Variants in EML1 observed in about 807,000 individuals in gnomAD.
EML1 encodes the protein EMAP like 1, also known as echinoderm microtubule-associated protein-like 1.
EML1 carries 27 observed loss-of-function variants against 110.4 expected under a neutral mutation model. The observed-to-expected ratio is 0.24, with a 90% CI of 0.18 to 0.34. The LOEUF is 0.34. EML1 is among the 10% of genes least tolerant of loss of function. EML1 has a pLI of 1.00. For synonymous variants in EML1, 344 were observed against 385.8 expected, an observed-to-expected ratio of 0.89 and a Z score of 1.27; for missense variants, 741 against 1,030.9, an observed-to-expected ratio of 0.72 and a Z score of 3.85.
intron 1 of EML1, among the ~76,000 whole-genome samples, chr14:99,807,750 C>T (rs1176627344): frequency 1.3e-5 from 2 of 152,172 alleles, no homozygotes; most frequent in African/African-American, 2.4e-5. Context: ...ACGGGGTCTG[C>T]AGGGCAGGCT....
At chr14:99,804,965 G>C (rs2057944983) in intron 1 of EML1, among the ~76,000 whole-genome samples, 1 of 152,154 alleles carries the variant, frequency 6.6e-6, no homozygotes, top group African/African-American at 2.4e-5. Context: ...ACTTCTGGTA[G>C]CTTCTGAAGG....
At chr14:99,914,806 T>C in intron 15 of EML1, 109 bp downstream of exon 15, 1 of 1,402,144 alleles carries the variant, frequency 7.1e-7, no homozygotes, top group South Asian at 1.4e-5. Flanking sequence ...CCAAAGCAAA[T>C]GTTATTTATC....
At position 99,910,873 on chromosome 14, in the gene EML1, C is replaced by T. The variant is rs552943924; in HGVS notation, c.1339+532C>T. Among the ~76,000 whole-genome samples, 18 of 152,182 alleles carry T rather than the reference C, an allele frequency of 1.2e-4. No individual in the cohort carries two copies. In the South Asian group the frequency reaches 2.9e-3, roughly 25 times the overall value. On this transcript the variant is annotated intron_variant, in intron 12 of 21. Transcript: ENST00000262233. ...AGTGAGCATTTATGAGCACTTACCCCGTGACAAGAAAAAAGGGAAAATCCA... is the reference window on the plus strand; with the variant it reads ...AGTGAGCATTTATGAGCACTTACCCTGTGACAAGAAAAAAGGGAAAATCCA...
At position 99,939,523 on chromosome 14, in the gene EML1, C is replaced by T. The variant is rs751206510; in HGVS notation, c.2322+196C>T. ...CCAAGCCCCACAGGACCCACAAAGC[C>T]GTTCAGAGCTGCTCATCCACCTCTG... On this transcript the variant is annotated intron_variant, in intron 21 of 21. Coordinates refer to ENST00000262233, the MANE Select transcript of EML1 (RefSeq NM_004434.3). This position sits in a 1 kb window ranked among gnomAD's most constrained non-coding sequence, Gnocchi z 4.2. 2.6e-5 allele frequency among the ~76,000 whole-genome samples: 4 copies of T among 152,134 alleles called. No homozygotes were observed. Among genetic ancestry groups the T allele is most frequent in the Admixed American group, 6.5e-5 (1 of 15,284 alleles).
chr14:99,851,238 A>G (rs530858407), intron 2 of EML1, among the ~76,000 whole-genome samples: 5 of 152,280 alleles, frequency 3.3e-5, no homozygotes, highest in Non-Finnish European at 7.4e-5. Flanking sequence ...CAGCCCAGTG[A>G]TGTACATTTG....
intron 1 of EML1, among the ~76,000 whole-genome samples, chr14:99,818,212 G>T (rs553126703): frequency 2.9e-4 from 44 of 152,232 alleles, no homozygotes; most frequent in African/African-American, 1.0e-3. Flanking sequence ...GGGATGTGAG[G>T]TGATCAAATC....
intron 3 of EML1, among the ~76,000 whole-genome samples, chr14:99,874,181 A>G (rs906010839): frequency 6.6e-6 from 1 of 152,228 alleles, no homozygotes; most frequent in Admixed American, 6.5e-5. Flanking sequence ...TATGGTCACC[A>G]GTCTCCCTGC....
At chr14:99,891,578 T>A (rs2059588476) in intron 5 of EML1, among the ~76,000 whole-genome samples, 2 of 152,250 alleles carry the variant, frequency 1.3e-5, no homozygotes, top group African/African-American at 4.8e-5. Context: ...TGGATTCTGT[T>A]ATCAACATTT....
intron 1 of EML1, among the ~76,000 whole-genome samples, chr14:99,810,119 C>A (rs982649716): frequency 6.6e-6 from 1 of 152,102 alleles, no homozygotes; most frequent in African/African-American, 2.4e-5. Context: ...GGAAGCCTGG[C>A]GTGTAGGAAG....
chr14:99,793,760 C>T (rs980712211), intron 1 of EML1, among the ~76,000 whole-genome samples: 1 of 147,148 alleles, frequency 6.8e-6, no homozygotes, highest in Non-Finnish European at 1.5e-5. Flanking sequence ...CCGGGCTCCC[C>T]GCCGCCACCC....
At chr14:99,786,624 C>T (rs1436277048) in intron 1 of EML1, among the ~76,000 whole-genome samples, 1 of 152,130 alleles carries the variant, frequency 6.6e-6, no homozygotes, top group Non-Finnish European at 1.5e-5. Flanking sequence ...CAGCACTGGC[C>T]AAAGTTCAAA....
chr14:99,831,824 T>A (rs2058460227), intron 1 of EML1, among the ~76,000 whole-genome samples: 1 of 152,012 alleles, frequency 6.6e-6, no homozygotes, highest in Non-Finnish European at 1.5e-5. Context: ...ATTTTTTTCT[T>A]TTCATTTTTT....
chr14:99,785,767 G>T (rs1165096649), intron 1 of EML1, among the ~76,000 whole-genome samples: 2 of 148,762 alleles, frequency 1.3e-5, no homozygotes, highest in African/African-American at 4.9e-5. Context: ...CAACGGAGAG[G>T]CTCCTTCACA....
At chr14:99,797,518 C>T (rs912352413) in intron 1 of EML1, among the ~76,000 whole-genome samples, 4 of 152,082 alleles carry the variant, frequency 2.6e-5, no homozygotes, top group African/African-American at 9.7e-5. Context: ...TTTTTAGGAA[C>T]CAGTCTTAAC....
At chr14:99,917,333 G>T (rs1019583985) in intron 15 of EML1, among the ~76,000 whole-genome samples, 7 of 152,190 alleles carry the variant, frequency 4.6e-5, no homozygotes, top group African/African-American at 1.7e-4. Flanking sequence ...ACTTTGGGAG[G>T]CAGAGACAGG....
chr14:99,894,550 G>C (rs922696698), intron 5 of EML1, 79 bp from the exon 6 acceptor site: 1 of 1,490,290 alleles, frequency 6.7e-7, no homozygotes, highest in African/African-American at 1.4e-5. Flanking sequence ...TATACTGAAA[G>C]GCTAGAGAGG....
Position 99,785,280 on chromosome 14 carries a change from C to T in EML1, c.-27+11267C>T, listed in dbSNP as rs566896598. On this transcript the variant is annotated intron_variant, in intron 1 of 22. Transcript: ENST00000327921. ...ATGTTGGCCAGGCTGGTCTCGAACTCCTGACCTCAGGTGATCCACCTGCCT... is the reference window on the plus strand; with the variant it reads ...ATGTTGGCCAGGCTGGTCTCGAACTTCTGACCTCAGGTGATCCACCTGCCT... 2.0e-4 allele frequency among the ~76,000 whole-genome samples: 30 copies of T among 152,280 alleles called. No individual in the cohort carries two copies. In the East Asian group the frequency reaches 5.8e-3, roughly 29 times the overall value.
At chr14:99,808,028 G>A (rs554289572) in intron 1 of EML1, among the ~76,000 whole-genome samples, 169 of 152,126 alleles carry the variant, frequency 1.1e-3, no homozygotes, top group Non-Finnish European at 1.2e-3. Context: ...CTTAAGACCC[G>A]GCCTACAGAC....
Position 99,936,090 on chromosome 14 carries a change from C to T in EML1, c.1971C>T (p.Asp657=). 6.2e-7 allele frequency: 1 copy of T among 1,614,134 alleles called. No individual in the cohort carries two copies. Among genetic ancestry groups the T allele is most frequent in the South Asian group, 1.1e-5 (1 of 91,080 alleles). The change falls in exon 18 of 22, where the codon GAC becomes GAT. Residue 657 remains aspartate, a synonymous_variant. Transcript: ENST00000262233. The surrounding 1 kb of genome is among the most constrained non-coding windows in gnomAD (Gnocchi z 5.5). ...DNCIYIYGVS[D]NGRKYTRVGK... ...GCATCTATATATATGGCGTTAGTGA[C>T]AACGGGAGGAAGTACACGCGAGTGG...
Sources: gnomAD v4.1 joint callset for allele counts (sites outside exome capture counted in the v4.1 genomes callset) on GRCh38, gnomAD v4.1.1 for gene constraint, Gnocchi (gnomAD v3.1) non-coding constraint, MANE v1.5 for transcripts, NCBI Gene and HGNC (gene_info 2026-07-23, HGNC 2026-07-21) for gene names.